The following ROBO1 variants were observed in gnomAD, a reference collection of about 807,000 sequenced individuals.
The protein encoded by ROBO1 is roundabout guidance receptor 1, also known as roundabout homolog 1.
A neutral mutation model predicts 195.9 loss-of-function variants in ROBO1; 149 were observed. The observed-to-expected ratio is 0.76, with a 90% CI of 0.67 to 0.87. The LOEUF is 0.87. Ranked by LOEUF, ROBO1 falls within the 40% of genes least tolerant of loss-of-function variation. The pLI is 0.00. For missense variants in ROBO1, 1,933 were observed against 2,068.3 expected (o/e 0.93, Z 1.27); for synonymous variants, 816 against 733.2 (o/e 1.11, Z -1.82).
intron 10 of ROBO1, among the ~76,000 whole-genome samples, chr3:78,679,662 C>G (rs1340051753): frequency 2.0e-5 from 3 of 152,132 alleles, no homozygotes; most frequent in African/African-American, 4.8e-5. Flanking sequence ...AAACCACTCA[C>G]TGCTCAATGA....
At chr3:79,354,528 T>C (rs1426488689) in intron 2 of ROBO1, among the ~76,000 whole-genome samples, 1 of 152,124 alleles carries the variant, frequency 6.6e-6, no homozygotes, top group African/African-American at 2.4e-5. Flanking sequence ...TAGTCCACAT[T>C]TTTTGCTCTG....
At chr3:79,547,184 CAAAAAAAAAAAA>C (rs1162585941) in intron 2 of ROBO1, among the ~76,000 whole-genome samples, 15 of 23,264 alleles carry the variant, frequency 6.4e-4, no homozygotes, top group South Asian at 2.8e-3. Flanking sequence ...GACTCCGCCT[CAAAAAAAAAAAA>C]AAAAAAAAAA....
intron 2 of ROBO1, among the ~76,000 whole-genome samples, chr3:79,318,801 G>T (rs1451370755): frequency 1.3e-5 from 2 of 152,108 alleles, no homozygotes; most frequent in African/African-American, 2.4e-5. Context: ...GAATATTTTT[G>T]ATGGATTTTC....
intron 4 of ROBO1, among the ~76,000 whole-genome samples, chr3:78,799,948 T>A (rs2084313243): frequency 1.3e-5 from 2 of 152,222 alleles, no homozygotes; most frequent in South Asian, 4.1e-4. Context: ...AGGATTCAAG[T>A]CATGGTCACC....
At position 78,958,693 on chromosome 3, in the gene ROBO1, G is replaced by A. The variant is rs72906184; in HGVS notation, c.173-19766C>T. Among the ~76,000 whole-genome samples, 1,309 of 151,976 alleles carry A rather than the reference G, an allele frequency of 8.6e-3. 20 individuals carry two copies. The highest frequency in any genetic ancestry group is 0.03 in the African/African-American group (1,241 of 41,424). ...TTTAAATACAGGAATCTTATCCTAC[G>A]TTGACCAATTCATCCCAGTTTAACC... On this transcript the variant is annotated intron_variant, in intron 3 of 30. Transcript: ENST00000464233.
chr3:79,425,078 C>T (rs139468387), intron 2 of ROBO1, among the ~76,000 whole-genome samples: 2 of 152,306 alleles, frequency 1.3e-5, no homozygotes, highest in African/African-American at 4.8e-5. Flanking sequence ...CACTCGTCAA[C>T]ATTCCTTACA....
In ROBO1 at chr3:79,194,819, G is replaced by T. The variant is rs561057292; in HGVS notation, c.89-69280C>A. ...TGAGAAAAAATACCCAGTATTTTAT[G>T]TGGCCCCATAAAATTGGAAGTGTAA... On this transcript the variant is annotated intron_variant, in intron 2 of 30. Transcript: ENST00000464233. Among the ~76,000 whole-genome samples, 5 of 151,722 alleles carry T rather than the reference G, an allele frequency of 3.3e-5. No individual in the cohort carries two copies. In the East Asian group the frequency reaches 9.7e-4, roughly 29 times the overall value.
At chr3:79,680,997 G>T (rs1946929948) in intron 1 of ROBO1, among the ~76,000 whole-genome samples, 1 of 151,912 alleles carries the variant, frequency 6.6e-6, no homozygotes, top group South Asian at 2.1e-4. Context: ...GCAGCACAAG[G>T]AAGATCTTTG....
chr3:79,620,605 A>T (rs548654397), intron 1 of ROBO1, among the ~76,000 whole-genome samples: 1 of 152,004 alleles, frequency 6.6e-6, no homozygotes, highest in Non-Finnish European at 1.5e-5. Context: ...TGCTTCCCAG[A>T]CTATTCCTGG....
intron 4 of ROBO1, among the ~76,000 whole-genome samples, chr3:78,835,320 A>C (rs111387820): frequency 2.5e-3 from 379 of 152,322 alleles, no homozygotes; most frequent in African/African-American, 8.3e-3. Context: ...TCCCAAGAAA[A>C]CACCAAGATA....
Position 78,741,407 on chromosome 3 carries a change from G to A in ROBO1, c.657+5336C>T, listed in dbSNP as rs1423703934. Among the ~76,000 whole-genome samples, 4 of 152,244 alleles carry A rather than the reference G, an allele frequency of 2.6e-5. No homozygotes were observed. The South Asian group carries it at 6.2e-4, about 24-fold the overall frequency. On this transcript the variant is annotated intron_variant, in intron 5 of 30. Transcript: ENST00000464233. ...TAAGAAAACAAACATAGAATAAGTG[G>A]CAAATTTTAAAACAAACAAACTAGG...
chr3:78,937,201 C>T (rs918085237), intron 4 of ROBO1, among the ~76,000 whole-genome samples: 9 of 151,890 alleles, frequency 5.9e-5, no homozygotes, highest in East Asian at 5.8e-4. Context: ...GCTGATTTCA[C>T]GTTAATAATA....
intron 2 of ROBO1, among the ~76,000 whole-genome samples, chr3:79,489,548 G>A (rs549945569): frequency 1.6e-4 from 25 of 151,628 alleles, no homozygotes; most frequent in Non-Finnish European, 3.1e-4. Flanking sequence ...CCAGCTACTC[G>A]GGAGGCTGAG....
At chr3:78,682,260 A>G (rs181896092) in intron 10 of ROBO1, among the ~76,000 whole-genome samples, 319 of 152,094 alleles carry the variant, frequency 2.1e-3, no homozygotes, top group Non-Finnish European at 4.1e-3. Flanking sequence ...AAATGTATAA[A>G]TACTGAAGGA....
At chr3:79,334,978 AT>A (rs2034604897) in intron 2 of ROBO1, among the ~76,000 whole-genome samples, 1 of 152,044 alleles carries the variant, frequency 6.6e-6, no homozygotes. Flanking sequence ...TTAGCCAGGC[AT>A]GTTGGTGCAT....
intron 1 of ROBO1, among the ~76,000 whole-genome samples, chr3:79,743,722 T>C (rs547071490): frequency 2.6e-5 from 4 of 152,332 alleles, no homozygotes; most frequent in Admixed American, 2.6e-4. Flanking sequence ...TAAGCTTTTA[T>C]TCAATTTTTG....
intron 1 of ROBO1, among the ~76,000 whole-genome samples, chr3:79,738,927 T>C (rs1255152969): frequency 6.6e-6 from 1 of 152,136 alleles, no homozygotes; most frequent in Non-Finnish European, 1.5e-5. Flanking sequence ...GATGTGCCAA[T>C]TGCTACTGAA....
intron 2 of ROBO1, among the ~76,000 whole-genome samples, chr3:79,366,446 T>C (rs1189348971): frequency 6.6e-6 from 1 of 152,102 alleles, no homozygotes; most frequent in Non-Finnish European, 1.5e-5. Flanking sequence ...AGCCTCCTCT[T>C]TCTGACTTTG....
At chr3:78,633,837 A>G (rs1426486586) in intron 24 of ROBO1, 98 bp downstream of exon 24, 1 of 666,316 alleles carries the variant, frequency 1.5e-6, no homozygotes, top group African/African-American at 1.8e-5. Flanking sequence ...AGTGATTTAG[A>G]CATGTCACCT....
Sources: allele counts gnomAD v4.1 joint callset (sites outside exome capture counted in the v4.1 genomes callset), GRCh38; gene constraint gnomAD v4.1.1; transcripts MANE v1.5; gene names NCBI Gene and HGNC (gene_info 2026-07-23, HGNC 2026-07-21).